EFCAB11: variants seen among roughly 807,000 people sequenced by gnomAD.
EFCAB11 encodes EF-hand calcium-binding domain-containing protein 11.
EFCAB11 carries 14 observed loss-of-function variants against 23.0 expected under a neutral mutation model. The observed-to-expected ratio is 0.61, with a 90% CI of 0.40 to 0.95. EFCAB11 has a LOEUF of 0.95. EFCAB11 is among the 40% of genes least tolerant of loss of function. EFCAB11 has a pLI of 0.00. For missense variants in EFCAB11, 198 were observed against 195.8 expected (o/e 1.01, Z -0.07); for synonymous variants, 65 against 66.6 (o/e 0.98, Z 0.11).
chr14:89,836,195 G>T (rs1373564678), intron 5 of EFCAB11, among the ~76,000 whole-genome samples: 1 of 151,486 alleles, frequency 6.6e-6, no homozygotes, highest in Non-Finnish European at 1.5e-5. Flanking sequence ...AAGTGTAATG[G>T]GGCCCAGCAT....
intron 3 of EFCAB11, among the ~76,000 whole-genome samples, chr14:89,935,465 G>C (rs1368700181): frequency 2.0e-5 from 3 of 147,408 alleles, no homozygotes; most frequent in South Asian, 2.1e-4. Flanking sequence ...GCAAAGGCTA[G>C]TCACAGGCAT....
intron 5 of EFCAB11, among the ~76,000 whole-genome samples, chr14:89,891,295 G>A (rs1032691261): frequency 2.6e-5 from 4 of 152,100 alleles, no homozygotes; most frequent in Admixed American, 2.6e-4. Flanking sequence ...TTCAACTAGA[G>A]GTTCTATGTT....
chr14:89,944,635 T>G (rs1248149273), intron 3 of EFCAB11, among the ~76,000 whole-genome samples: 1 of 152,116 alleles, frequency 6.6e-6, no homozygotes, highest in East Asian at 1.9e-4. Context: ...GAAAAAAATG[T>G]AGAAAAGGCT....
chr14:89,921,377 G>A (rs1890018702), intron 5 of EFCAB11, among the ~76,000 whole-genome samples: 1 of 152,136 alleles, frequency 6.6e-6, no homozygotes, highest in African/African-American at 2.4e-5. Context: ...TTATTTGGTA[G>A]GGAATAAAAA....
intron 5 of EFCAB11, among the ~76,000 whole-genome samples, chr14:89,813,113 T>TA (rs562464202): frequency 1.6e-3 from 241 of 151,980 alleles, no homozygotes; most frequent in African/African-American, 5.6e-3. Flanking sequence ...ATTGGAGAAA[T>TA]AAAAAAATAA....
chr14:89,823,406 C>A (rs2140104472), intron 5 of EFCAB11, among the ~76,000 whole-genome samples: 1 of 152,308 alleles, frequency 6.6e-6, no homozygotes, highest in South Asian at 2.1e-4. Context: ...TTGATTTTGA[C>A]CTCCTGAGAC....
chr14:89,869,675 C>A (rs999879621), intron 5 of EFCAB11, among the ~76,000 whole-genome samples: 13 of 152,186 alleles, frequency 8.5e-5, no homozygotes, highest in Admixed American at 5.9e-4. Flanking sequence ...GGGATGGTGA[C>A]AACAGCTACC....
intron 5 of EFCAB11, among the ~76,000 whole-genome samples, chr14:89,893,098 G>A (rs202105076): frequency 4.6e-5 from 7 of 152,138 alleles, no homozygotes; most frequent in African/African-American, 1.7e-4. Context: ...AATGACAAAA[G>A]CTCTCATTCC....
At chr14:89,810,130 C>T (rs1886103004) in intron 5 of EFCAB11, among the ~76,000 whole-genome samples, 1 of 152,162 alleles carries the variant, frequency 6.6e-6, no homozygotes, top group Admixed American at 6.5e-5. Context: ...GGGCAGAGGC[C>T]ACCTATATCG....
chr14:89,808,112 C>T (rs571986593), intron 5 of EFCAB11, among the ~76,000 whole-genome samples: 51 of 152,200 alleles, frequency 3.4e-4, no homozygotes, highest in Admixed American at 2.8e-3. Flanking sequence ...CCCTCTCTTC[C>T]GGGGAACACA....
rs917403666 is a variant in EFCAB11 at position 89,932,621 on chromosome 14, A to G, written c.224T>C (p.Leu75Ser). Residue 75 changes from leucine (L) to serine (S), a missense_variant, in exon 4 of 6, where the codon TTA becomes TCA. Physicochemically the swap from Leu to Ser is moderately radical, Grantham distance 145 (BLOSUM62 -2). Coordinates refer to ENST00000316738, the MANE Select transcript of EFCAB11 (RefSeq NM_145231.4). ...SSINPNTSGILLEGFLNIVRK... is the reference protein window; with the variant it reads ...SSINPNTSGISLEGFLNIVRK... ...GACAATATTTAAAAACCCCTCGAGT[A>G]ATATACCTAAAAGTTGGGGAAAAAA... The G allele has an allele frequency of 6.8e-6, 11 of 1,612,484 alleles. No homozygotes were observed. The highest frequency in any genetic ancestry group is 9.3e-6 in the Non-Finnish European group (11 of 1,179,016).
chr14:89,795,678 C>T lies in EFCAB11; in HGVS notation c.*1565G>A. 6.6e-6 allele frequency: 1 copy of T among 152,142 alleles called. No homozygotes were observed. Among genetic ancestry groups the T allele is most frequent in the South Asian group, 2.1e-4 (1 of 4,816 alleles). 9.4% of individuals were successfully genotyped at this position (152,142 alleles called of 1,614,324 possible). A position where few individuals can be genotyped will look rare whatever the true frequency, so the allele number is the denominator to read the frequency against. ...GAGACTCTGTCTCAAAAAAAACCCG[C>T]AAACGTTTATTTTTATTAAGGTTAT... On this transcript the variant is annotated 3_prime_UTR_variant, in exon 6 of 6. Coordinates refer to ENST00000316738, the MANE Select transcript of EFCAB11 (RefSeq NM_145231.4).
rs368129563 is a variant in EFCAB11, at chr14:89,839,571, T to G, written c.411-42247A>C. ...AGAATAAAAACAAGAGGGAAACAAG[T>G]GAGGTGGTTTGGCAGGCAGCTTGTA... is the stretch of plus-strand genomic sequence containing the variant. On this transcript the variant is annotated intron_variant, in intron 5 of 5. Transcript: ENST00000316738. 7.1e-4 allele frequency among the ~76,000 whole-genome samples: 108 copies of G among 152,170 alleles called. 3 individuals are homozygous for G. In the South Asian group the frequency reaches 0.022, roughly 31 times the overall value.
intron 5 of EFCAB11, among the ~76,000 whole-genome samples, chr14:89,861,908 A>G (rs976571479): frequency 6.6e-6 from 1 of 152,246 alleles, no homozygotes; most frequent in Admixed American, 6.5e-5. Flanking sequence ...TACATTGCCA[A>G]GTCTCAGGTA....
intron 5 of EFCAB11, among the ~76,000 whole-genome samples, chr14:89,927,503 A>G (rs2139799729): frequency 6.6e-6 from 1 of 152,298 alleles, no homozygotes; most frequent in South Asian, 2.1e-4. Flanking sequence ...GTGAAAAGCT[A>G]CTCAAGCGTC....
At chr14:89,924,659 T>G in intron 5 of EFCAB11, 1 of 1,535,824 alleles carries the variant, frequency 6.5e-7, no homozygotes, top group South Asian at 1.2e-5. Flanking sequence ...CGAAGTTAAA[T>G]CATGCACTGA....
At chr14:89,834,442 T>A (rs973278856) in intron 5 of EFCAB11, among the ~76,000 whole-genome samples, 7 of 151,118 alleles carry the variant, frequency 4.6e-5, no homozygotes, top group African/African-American at 7.3e-5. Context: ...TGAGTCTACT[T>A]GCAACCGGCA....
chr14:89,829,411 T>G (rs2140112157), intron 5 of EFCAB11, among the ~76,000 whole-genome samples: 1 of 152,330 alleles, frequency 6.6e-6, no homozygotes, highest in South Asian at 2.1e-4. Flanking sequence ...TGGAAGCAGA[T>G]CATAACCAGC....
At chr14:89,954,481 G>A in intron 1 of EFCAB11, 105 bp downstream of exon 1, 1 of 1,547,618 alleles carries the variant, frequency 6.5e-7, no homozygotes, top group South Asian at 1.2e-5. Context: ...AGGCAGCCCA[G>A]GTCTTATCTG....
Sources: allele counts gnomAD v4.1 joint callset (sites outside exome capture counted in the v4.1 genomes callset), GRCh38; gene constraint gnomAD v4.1.1; transcripts MANE v1.5; gene names NCBI Gene and HGNC (gene_info 2026-07-23, HGNC 2026-07-21).